SYN3: variants seen among roughly 807,000 people sequenced by gnomAD.
The protein encoded by SYN3 is synapsin-3.
In SYN3, 35 loss-of-function variants were observed where a neutral mutation model predicts 65.8. That is an observed-to-expected ratio of 0.53 (90% CI 0.41 to 0.70). The LOEUF (loss-of-function observed/expected upper bound fraction) is 0.70. Among genes scored for constraint, SYN3 ranks in the 30% least tolerant of loss-of-function variants. The pLI is 0.00. For missense variants in SYN3, 680 were observed against 749.0 expected, an observed-to-expected ratio of 0.91 and a Z score of 1.08; for synonymous variants, 270 against 292.9, an observed-to-expected ratio of 0.92 and a Z score of 0.80.
At chr22:32,830,804 G>C (rs2047551311) in intron 6 of SYN3, among the ~76,000 whole-genome samples, 1 of 152,182 alleles carries the variant, frequency 6.6e-6, no homozygotes, top group South Asian at 2.1e-4. Flanking sequence ...GTGGCCCCTG[G>C]CTTCTCCCAG....
chr22:32,642,481 C>T (rs2059915725), intron 6 of SYN3, among the ~76,000 whole-genome samples: 1 of 151,438 alleles, frequency 6.6e-6, no homozygotes, highest in African/African-American at 2.4e-5. Flanking sequence ...TGCTCTGTCG[C>T]CCAGGCTGGA....
chr22:32,755,048 C>A (rs1026709005), intron 6 of SYN3, among the ~76,000 whole-genome samples: 2 of 141,640 alleles, frequency 1.4e-5, no homozygotes, highest in African/African-American at 6.4e-5. Context: ...GGCACTGGGA[C>A]TGAGGGACTA....
intron 6 of SYN3, among the ~76,000 whole-genome samples, chr22:32,697,982 G>C (rs1249532374): frequency 6.6e-6 from 1 of 152,144 alleles, no homozygotes. Flanking sequence ...GCCATTCTAA[G>C]TTAGTTGACA....
intron 3 of SYN3, among the ~76,000 whole-genome samples, chr22:32,948,388 T>C (rs1401681660): frequency 6.6e-6 from 1 of 152,136 alleles, no homozygotes; most frequent in East Asian, 1.9e-4. Context: ...TGCAGCACAT[T>C]CGAAGTTCCA....
At chr22:32,555,136 T>C (rs1026023095) in intron 7 of SYN3, among the ~76,000 whole-genome samples, 1 of 152,172 alleles carries the variant, frequency 6.6e-6, no homozygotes, top group Non-Finnish European at 1.5e-5. Flanking sequence ...TCATGAGAAC[T>C]GTGGTGGGAA....
chr22:32,822,793 TG>T lies in SYN3; in HGVS notation c.711+42121del, dbSNP rs1393064606. ...GATAGAAATGGATTTATTAATATAATGGATGGTCCAAAGAAAGGTGAATGAA... is the reference window on the plus strand; with the variant it reads ...GATAGAAATGGATTTATTAATATAATGATGGTCCAAAGAAAGGTGAATGAA... On this transcript the variant is annotated intron_variant, in intron 6 of 13. Coordinates refer to ENST00000358763, the MANE Select transcript of SYN3 (RefSeq NM_003490.4). Among the ~76,000 whole-genome samples, 3 of 152,250 alleles carry T rather than the reference TG, an allele frequency of 2.0e-5. No homozygotes were observed. The East Asian group carries it at 5.8e-4, about 29-fold the overall frequency.
intron 6 of SYN3, among the ~76,000 whole-genome samples, chr22:32,614,623 C>T (rs1031451031): frequency 6.6e-6 from 1 of 152,162 alleles, no homozygotes; most frequent in African/African-American, 2.4e-5. Context: ...GAAACTGAGG[C>T]CTGGGAAGCA....
chr22:32,953,204 T>C (rs992597140), intron 3 of SYN3, among the ~76,000 whole-genome samples: 8 of 152,216 alleles, frequency 5.3e-5, no homozygotes, highest in African/African-American at 1.9e-4. Context: ...GAGCAAGGAC[T>C]TGAACTCAGG....
At chr22:32,959,800 G>C (rs1190236818) in intron 3 of SYN3, among the ~76,000 whole-genome samples, 4 of 152,068 alleles carry the variant, frequency 2.6e-5, no homozygotes, top group Non-Finnish European at 5.9e-5. Flanking sequence ...CTATGTTGTT[G>C]CCCAAGCTGG....
intron 1 of SYN3, among the ~76,000 whole-genome samples, chr22:33,042,622 G>A (rs193289348): frequency 1.7e-4 from 26 of 152,284 alleles, no homozygotes; most frequent in African/African-American, 6.3e-4. Context: ...CTAAAGGGCA[G>A]TTGACACTGG....
chr22:32,769,519 T>C (rs1304456560), intron 6 of SYN3, among the ~76,000 whole-genome samples: 1 of 8,426 alleles, frequency 1.2e-4, no homozygotes, highest in East Asian at 1.4e-3. Flanking sequence ...TCTGTGTTTG[T>C]TTTTTTTTTT....
At chr22:32,818,185 A>G (rs528542453) in intron 6 of SYN3, among the ~76,000 whole-genome samples, 1 of 152,314 alleles carries the variant, frequency 6.6e-6, no homozygotes, top group East Asian at 1.9e-4. Flanking sequence ...GTGGCTGCTC[A>G]GAGCGTTTTG....
At chr22:33,004,358 C>G (rs1569397436) in intron 2 of SYN3, among the ~76,000 whole-genome samples, 1 of 152,258 alleles carries the variant, frequency 6.6e-6, no homozygotes, top group Non-Finnish European at 1.5e-5. Flanking sequence ...AAGCTGTACC[C>G]TGCAAAACTA....
At chr22:32,682,820 C>T (rs890849127) in intron 6 of SYN3, among the ~76,000 whole-genome samples, 8 of 152,160 alleles carry the variant, frequency 5.3e-5, no homozygotes, top group Non-Finnish European at 8.8e-5. Context: ...TAAAGGCACA[C>T]GAAGAAACTC....
chr22:32,603,026 A>G (rs539466804), intron 6 of SYN3, among the ~76,000 whole-genome samples: 3 of 146,838 alleles, frequency 2.0e-5, no homozygotes, highest in Non-Finnish European at 4.5e-5. Context: ...CCAGGCTTCT[A>G]TTTCTAAAGT....
At chr22:32,777,083 C>T (rs2045924939) in intron 6 of SYN3, among the ~76,000 whole-genome samples, 2 of 152,186 alleles carry the variant, frequency 1.3e-5, no homozygotes, top group South Asian at 2.1e-4. Context: ...TGCCCTTCTC[C>T]GTGGCTTTCA....
intron 6 of SYN3, among the ~76,000 whole-genome samples, chr22:32,824,149 A>T (rs898004819): frequency 9.2e-5 from 14 of 151,922 alleles, no homozygotes; most frequent in African/African-American, 2.4e-4. Flanking sequence ...GTGGTGGCGC[A>T]CATCTGAAGT....
chr22:32,764,315 C>T (rs2045566960), intron 6 of SYN3, among the ~76,000 whole-genome samples: 1 of 152,180 alleles, frequency 6.6e-6, no homozygotes, highest in Admixed American at 6.5e-5. Flanking sequence ...AAAATGTCCC[C>T]GTTTTCTGTA....
chr22:32,581,792 C>CTTTTTTTTTTTTTTTTTTTTTTTTTT (rs10716395), intron 7 of SYN3, among the ~76,000 whole-genome samples: 1 of 84,320 alleles, frequency 1.2e-5, no homozygotes, highest in Non-Finnish European at 2.2e-5. Context: ...TTCTTTCTTT[C>CTTTTTTTTTTTTTTTTTTTTTTTTTT]TTTTTTTTTT....
Sources: gnomAD v4.1 joint callset for allele counts (sites outside exome capture counted in the v4.1 genomes callset) on GRCh38, gnomAD v4.1.1 for gene constraint, MANE v1.5 for transcripts, NCBI Gene and HGNC (gene_info 2026-07-23, HGNC 2026-07-21) for gene names.